TRDN: variants seen among roughly 807,000 people sequenced by gnomAD.
TRDN encodes the protein triadin, also known as triadin in skeletal muscle.
In TRDN, 161 loss-of-function variants were observed where a neutral mutation model predicts 149.7. The ratio of observed to expected loss-of-function variants is 1.08; its 90% CI spans 0.95 to 1.23. TRDN has a LOEUF of 1.23. Among genes scored for constraint, TRDN ranks in the 50% most tolerant of loss-of-function variants. The pLI, the probability that TRDN is intolerant of heterozygous loss-of-function variation, is 0.00. For synonymous variants in TRDN, 294 were observed against 250.5 expected, an observed-to-expected ratio of 1.17 and a Z score of -1.64; for missense variants, 896 against 823.5, an observed-to-expected ratio of 1.09 and a Z score of -1.08.
intron 12 of TRDN, among the ~76,000 whole-genome samples, chr6:123,409,651 A>G (rs983447754): frequency 6.6e-6 from 1 of 151,930 alleles, no homozygotes; most frequent in Non-Finnish European, 1.5e-5. Context: ...ACTTCACAAA[A>G]TGTGCCTTGC....
At chr6:123,501,296 CT>C (rs1778687680) in intron 8 of TRDN, among the ~76,000 whole-genome samples, 1 of 151,960 alleles carries the variant, frequency 6.6e-6, no homozygotes, top group East Asian at 1.9e-4. Flanking sequence ...AGCCTTATTT[CT>C]TTAAAAAGAA....
In TRDN at chr6:123,260,643, AG is replaced by A. The variant is rs374141571; in HGVS notation, c.1805-6del. The stretch of plus-strand genomic sequence containing the variant: ...CTGTGACTTCTGATGTTCCTTCTTT[AG>A]AAAAAAAAAAAAAAAGAATGTAGAA... On this transcript the variant is annotated splice_polypyrimidine_tract_variant and splice_region_variant and intron_variant, in intron 33 of 40. Coordinates refer to ENST00000334268, the MANE Select transcript of TRDN (RefSeq NM_006073.4). 7.3e-5 allele frequency: 90 copies of A among 1,228,276 alleles called. No individual in the cohort carries two copies. The highest frequency in any genetic ancestry group is 1.2e-4 in the Admixed American group (3 of 24,808). 76.1% of individuals were successfully genotyped at this position (1,228,276 alleles called of 1,614,324 possible). A position where few individuals can be genotyped will look rare whatever the true frequency, so the allele number is the denominator to read the frequency against.
intron 1 of TRDN, among the ~76,000 whole-genome samples, chr6:123,626,134 T>C (rs949293671): frequency 6.6e-6 from 1 of 152,148 alleles, no homozygotes; most frequent in African/African-American, 2.4e-5. Flanking sequence ...GCATCTCCAT[T>C]AAGAGTAGAG....
intron 24 of TRDN, among the ~76,000 whole-genome samples, chr6:123,302,809 A>T (rs1778475223): frequency 6.6e-6 from 1 of 152,108 alleles, no homozygotes; most frequent in Non-Finnish European, 1.5e-5. Context: ...TTAAAATGCA[A>T]GTTCTTATTC....
At chr6:123,579,420 T>A (rs571571510) in intron 1 of TRDN, among the ~76,000 whole-genome samples, 2 of 152,340 alleles carry the variant, frequency 1.3e-5, no homozygotes, top group African/African-American at 4.8e-5. Flanking sequence ...TATCTTTGGT[T>A]CCATTTATTT....
chr6:123,278,775 ATT>A (rs1313727219), intron 25 of TRDN, among the ~76,000 whole-genome samples: 1 of 152,126 alleles, frequency 6.6e-6, no homozygotes, highest in African/African-American at 2.4e-5. Context: ...TCTCAAAAAA[ATT>A]TTTTTTGAGA....
chr6:123,635,710 T>C (rs1332982049), intron 1 of TRDN, among the ~76,000 whole-genome samples: 1 of 151,976 alleles, frequency 6.6e-6, no homozygotes, highest in Non-Finnish European at 1.5e-5. Flanking sequence ...TCAGTTGTAT[T>C]ATTCAAAGCA....
At chr6:123,384,077 A>G (rs1040791884) in intron 14 of TRDN, among the ~76,000 whole-genome samples, 1 of 152,168 alleles carries the variant, frequency 6.6e-6, no homozygotes, top group African/African-American at 2.4e-5. Flanking sequence ...TACATTTGCT[A>G]TCTGAAACAT....
At chr6:123,297,327 T>C (rs993875468) in intron 24 of TRDN, among the ~76,000 whole-genome samples, 2 of 152,012 alleles carry the variant, frequency 1.3e-5, no homozygotes, top group African/African-American at 4.8e-5. Context: ...CCTCTTGATG[T>C]TCAAAGGTGA....
chr6:123,260,661 A>G, intron 33 of TRDN, 23 bp from the exon 34 acceptor site: 1 of 1,327,880 alleles, frequency 7.5e-7, no homozygotes, highest in Non-Finnish European at 1.0e-6. Context: ...AAAAAAAAAG[A>G]ATGTAGAAAG....
intron 21 of TRDN, chr6:123,349,932 G>A: frequency 1.0e-6 from 1 of 981,196 alleles, no homozygotes; most frequent in African/African-American, 1.8e-5. Context: ...CAATTATGTA[G>A]GGAACCATTG....
intron 8 of TRDN, chr6:123,498,184 G>A (rs1430287613): frequency 6.2e-6 from 1 of 161,512 alleles, no homozygotes; most frequent in African/African-American, 2.4e-5. Context: ...AAATCCGAAG[G>A]CAGCTTTAGG....
intron 20 of TRDN, among the ~76,000 whole-genome samples, chr6:123,363,552 CCAACTAGAAGCAAA>C (rs1780977921): frequency 6.6e-6 from 1 of 152,128 alleles, no homozygotes; most frequent in African/African-American, 2.4e-5. Context: ...AGATCTATGA[CCAACTAGAAGCAAA>C]GTAGTTGATG....
intron 38 of TRDN, among the ~76,000 whole-genome samples, chr6:123,224,808 G>A (rs4523104): frequency 0.53 from 81,045 of 151,528 alleles, 22,918 homozygotes; most frequent in African/African-American, 0.72. Flanking sequence ...TTAAAAGTAA[G>A]CACTGGGGAA....
At chr6:123,523,164 C>T (rs753538734) in intron 5 of TRDN, among the ~76,000 whole-genome samples, 2 of 152,066 alleles carry the variant, frequency 1.3e-5, no homozygotes, top group Non-Finnish European at 2.9e-5. Context: ...ACTGACACTC[C>T]GTATGAGAAT....
chr6:123,263,819 T>G (rs1431659918), intron 33 of TRDN, among the ~76,000 whole-genome samples: 4 of 152,056 alleles, frequency 2.6e-5, no homozygotes, highest in Non-Finnish European at 5.9e-5. Flanking sequence ...TCTGAAAATT[T>G]TAGGTCCCTT....
In TRDN at chr6:123,516,270, C is replaced by T. The variant is rs150536947; in HGVS notation, c.485-64G>A. On this transcript the variant is annotated intron_variant, in intron 5 of 40. Coordinates refer to ENST00000334268, the MANE Select transcript of TRDN (RefSeq NM_006073.4). Reference sequence around the variant, plus strand: ...AGGAATAAATGAGGAGATGTTTGCACGGCAGTCTTTGATGTCAAAATTTAT... The same window carrying T: ...AGGAATAAATGAGGAGATGTTTGCATGGCAGTCTTTGATGTCAAAATTTAT... 165 of 1,348,958 alleles carry T rather than the reference C, an allele frequency of 1.2e-4. 1 individual carries two copies. In the African/African-American group the frequency reaches 1.6e-3, roughly 13 times the overall value. 83.6% of individuals were successfully genotyped at this position (1,348,958 alleles called of 1,614,324 possible).
chr6:123,332,963 T>C (rs1582883689), intron 22 of TRDN, among the ~76,000 whole-genome samples: 1 of 152,086 alleles, frequency 6.6e-6, no homozygotes. Context: ...TCCATAAGCA[T>C]GTAGAATTTT....
At chr6:123,358,672 A>C (rs1486078325) in intron 20 of TRDN, among the ~76,000 whole-genome samples, 1 of 118,924 alleles carries the variant, frequency 8.4e-6, no homozygotes, top group African/African-American at 3.2e-5. Flanking sequence ...TAGTAGAGAC[A>C]GGGTTTCACC....
Sources: allele counts gnomAD v4.1 joint callset (sites outside exome capture counted in the v4.1 genomes callset), GRCh38; gene constraint gnomAD v4.1.1; transcripts MANE v1.5; gene names NCBI Gene and HGNC (gene_info 2026-07-23, HGNC 2026-07-21).